The following ZNF804A variants were observed in gnomAD, a reference collection of about 807,000 sequenced individuals.
The protein encoded by ZNF804A is zinc finger protein 804A.
ZNF804A carries 2 observed loss-of-function variants against 16.5 expected under a neutral mutation model. That is an observed-to-expected ratio of 0.12 (90% CI 0.05 to 0.38). The LOEUF is 0.38. ZNF804A is among the 10% of genes least tolerant of loss of function. ZNF804A has a pLI of 0.99. For missense variants in ZNF804A, 1,473 were observed against 1,390.7 expected (o/e 1.06, Z -0.94); for synonymous variants, 534 against 489.6 (o/e 1.09, Z -1.20).
chr2:184,790,230 T>TA (rs1694514347), intron 1 of ZNF804A, among the ~76,000 whole-genome samples: 1 of 151,960 alleles, frequency 6.6e-6, no homozygotes, highest in African/African-American at 2.4e-5. Flanking sequence ...TTTGTTTTTT[T>TA]GTTTTTTTTT....
At chr2:184,863,841 A>G (rs2105810012) in intron 1 of ZNF804A, among the ~76,000 whole-genome samples, 1 of 152,226 alleles carries the variant, frequency 6.6e-6, no homozygotes, top group East Asian at 1.9e-4. Context: ...TATTTTGAAG[A>G]TTTTAGTGAA....
chr2:184,782,981 G>A (rs932449678), intron 1 of ZNF804A, among the ~76,000 whole-genome samples: 3 of 150,140 alleles, frequency 2.0e-5, no homozygotes, highest in African/African-American at 4.9e-5. Flanking sequence ...CATATAGCTA[G>A]ATGTATATTT....
chr2:184,879,132 GT>G (rs1684766134), intron 2 of ZNF804A, among the ~76,000 whole-genome samples: 1 of 149,606 alleles, frequency 6.7e-6, no homozygotes, highest in Admixed American at 6.6e-5. Flanking sequence ...AGATATATTT[GT>G]GTGTGTTGTG....
At chr2:184,610,343 G>A (rs1004453458) in intron 1 of ZNF804A, among the ~76,000 whole-genome samples, 1 of 152,182 alleles carries the variant, frequency 6.6e-6, no homozygotes, top group Non-Finnish European at 1.5e-5. Context: ...ATCAGAGTGA[G>A]TAAGTTTTGT....
At chr2:184,613,644 G>T (rs1028405813) in intron 1 of ZNF804A, among the ~76,000 whole-genome samples, 3 of 152,120 alleles carry the variant, frequency 2.0e-5, no homozygotes, top group African/African-American at 2.4e-5. Flanking sequence ...AAGGCAGTAA[G>T]AAGCTAATAT....
intron 1 of ZNF804A, among the ~76,000 whole-genome samples, chr2:184,694,387 G>A (rs1692786396): frequency 6.6e-6 from 1 of 152,040 alleles, no homozygotes; most frequent in Non-Finnish European, 1.5e-5. Context: ...ATTTATTTTA[G>A]GAGCTTGGTT....
intron 1 of ZNF804A, among the ~76,000 whole-genome samples, chr2:184,693,763 C>A (rs576649493): frequency 7.3e-5 from 11 of 151,422 alleles, no homozygotes; most frequent in African/African-American, 2.7e-4. Flanking sequence ...TTTTTTGTAC[C>A]TTTTTATCTT....
intron 1 of ZNF804A, among the ~76,000 whole-genome samples, chr2:184,830,115 CA>C (rs1695240206): frequency 7.4e-5 from 7 of 94,478 alleles, no homozygotes; most frequent in Admixed American, 1.3e-4. Context: ...CCCACCCACA[CA>C]CACACACACA....
rs1236182018 is a variant in ZNF804A, at chr2:184,936,825, A to G, written c.1429A>G (p.Lys477Glu). The G allele has an allele frequency of 1.2e-6, 2 of 1,612,872 alleles. No homozygotes were observed. The highest frequency in any genetic ancestry group is 2.2e-5 in the East Asian group (1 of 44,860). ...TKVNNNLDKN[K>E]PDLKDLCSQQ... Reference sequence around the variant, plus strand: ...AGTAAATAATAATCTAGATAAAAATAAGCCAGACTTAAAAGATCTTTGTTC... The same window carrying G: ...AGTAAATAATAATCTAGATAAAAATGAGCCAGACTTAAAAGATCTTTGTTC... Residue 477 changes from lysine to glutamate, a missense_variant, in exon 4 of 4, where the codon AAG becomes GAG. Transcript: ENST00000302277.
Position 184,936,711 on chromosome 2 carries a change from T to C in ZNF804A, c.1315T>C (p.Trp439Arg). The C allele has an allele frequency of 6.2e-7, 1 of 1,613,710 alleles. No individual in the cohort carries two copies. The highest frequency in any genetic ancestry group is 8.5e-7 in the Non-Finnish European group (1 of 1,179,862). The change falls in exon 4 of 4, where the codon TGG (tryptophan) becomes CGG (arginine). Residue 439 changes from tryptophan (W) to arginine (R), a missense_variant. Physicochemically the swap from Trp to Arg is moderately radical, Grantham distance 101. Transcript: ENST00000302277. ...CAAACACAGATCTACAGTTCTTCAG[T>C]GGCCATCAGAAATGCTGGTTTATAC... ...LNKHRSTVLQWPSEMLVYTTT... is the reference protein window; with the variant it reads ...LNKHRSTVLQRPSEMLVYTTT...
intron 1 of ZNF804A, among the ~76,000 whole-genome samples, chr2:184,679,065 G>A (rs1236445640): frequency 6.6e-6 from 1 of 152,178 alleles, no homozygotes; most frequent in East Asian, 1.9e-4. Context: ...ACAAGACAAA[G>A]TAGTAGAATT....
intron 1 of ZNF804A, among the ~76,000 whole-genome samples, chr2:184,661,343 C>A (rs1337598807): frequency 1.3e-5 from 2 of 152,122 alleles, no homozygotes; most frequent in Non-Finnish European, 2.9e-5. Flanking sequence ...CACAGCTCAG[C>A]GAGTGTTACA....
At chr2:184,656,591 G>A (rs984066044) in intron 1 of ZNF804A, among the ~76,000 whole-genome samples, 2 of 151,988 alleles carry the variant, frequency 1.3e-5, no homozygotes, top group Non-Finnish European at 2.9e-5. Context: ...AAGGCAGAAT[G>A]TTGTATATAT....
intron 1 of ZNF804A, among the ~76,000 whole-genome samples, chr2:184,829,530 C>T (rs1000463214): frequency 5.9e-5 from 9 of 151,898 alleles, no homozygotes; most frequent in Non-Finnish European, 8.8e-5. Context: ...AAAGATGATA[C>T]TTATTTCTGA....
At chr2:184,712,176 T>C (rs1168571428) in intron 1 of ZNF804A, among the ~76,000 whole-genome samples, 1 of 151,724 alleles carries the variant, frequency 6.6e-6, no homozygotes, top group East Asian at 1.9e-4. Flanking sequence ...TCCAAGTCTT[T>C]CAACTACTTG....
chr2:184,934,333 G>A (rs1408123198), intron 3 of ZNF804A, among the ~76,000 whole-genome samples: 2 of 152,024 alleles, frequency 1.3e-5, no homozygotes, highest in Non-Finnish European at 2.9e-5. Flanking sequence ...ATTCAAGCCA[G>A]GGCAAAGTTA....
At chr2:184,659,074 C>T (rs1372267133) in intron 1 of ZNF804A, among the ~76,000 whole-genome samples, 1 of 152,058 alleles carries the variant, frequency 6.6e-6, no homozygotes. Flanking sequence ...CCAATAAAAA[C>T]CCCAATATCA....
intron 1 of ZNF804A, among the ~76,000 whole-genome samples, chr2:184,705,018 C>T (rs570373971): frequency 2.0e-5 from 3 of 152,142 alleles, no homozygotes; most frequent in Non-Finnish European, 4.4e-5. Context: ...TGTTAATACT[C>T]CTGCTCTTTC....
chr2:184,845,638 A>T (rs1695500066), intron 1 of ZNF804A, among the ~76,000 whole-genome samples: 1 of 152,120 alleles, frequency 6.6e-6, no homozygotes, highest in Non-Finnish European at 1.5e-5. Flanking sequence ...CCAGGCCTTT[A>T]TTAATAGAGA....
Sources: gnomAD v4.1 joint callset for allele counts (sites outside exome capture counted in the v4.1 genomes callset) on GRCh38, gnomAD v4.1.1 for gene constraint, MANE v1.5 for transcripts, NCBI Gene and HGNC (gene_info 2026-07-23, HGNC 2026-07-21) for gene names.